ADGRL1: variants seen among roughly 807,000 people sequenced by gnomAD.
ADGRL1 encodes CIRL-1.
A neutral mutation model predicts 148.9 loss-of-function variants in ADGRL1; 31 were observed. The ratio of observed to expected loss-of-function variants is 0.21; its 90% CI spans 0.16 to 0.28. The LOEUF (loss-of-function observed/expected upper bound fraction) is 0.28. Among genes scored for constraint, ADGRL1 ranks in the 10% least tolerant of loss-of-function variants. The pLI is 1.00. For missense variants in ADGRL1, 1,521 were observed against 2,058.8 expected, an observed-to-expected ratio of 0.74 and a Z score of 5.05; for synonymous variants, 937 against 900.3, an observed-to-expected ratio of 1.04 and a Z score of -0.73.
At chr19:14,189,124 C>G (rs1205010666) in intron 1 of ADGRL1, among the ~76,000 whole-genome samples, 1 of 152,168 alleles carries the variant, frequency 6.6e-6, no homozygotes, top group African/African-American at 2.4e-5. Flanking sequence ...CCCTTGTCGC[C>G]CAGCCCTGGT....
chr19:14,153,899 G>A (rs1391915854), intron 18 of ADGRL1, among the ~76,000 whole-genome samples: 5 of 151,560 alleles, frequency 3.3e-5, no homozygotes, highest in Admixed American at 1.3e-4. Context: ...CCGAGATCGC[G>A]CCATTGCACT....
rs370731279 is a variant in ADGRL1, at chr19:14,157,150, G to A, written c.2746-5C>T. ...GGCGAAGATGGGGCAGGCAATCTGC[G>A]GGGAGCACTGAGGGTGAGGGGCTGC... On this transcript the variant is annotated splice_polypyrimidine_tract_variant and splice_region_variant and intron_variant, in intron 14 of 22. Transcript: ENST00000361434. The surrounding 1 kb of genome is among the most constrained non-coding windows in gnomAD (Gnocchi z 7.5). 1.5e-4 allele frequency: 237 copies of A among 1,613,858 alleles called. 1 individual carries two copies. In the East Asian group the frequency reaches 1.5e-3, roughly 10 times the overall value.
chr19:14,175,604 ACAGACACACT>A (rs777876475), intron 3 of ADGRL1, among the ~76,000 whole-genome samples: 12 of 150,896 alleles, frequency 8.0e-5, no homozygotes, highest in East Asian at 1.9e-4. Flanking sequence ...ACACACTCAT[ACAGACACACT>A]CAGACACACT....
At chr19:14,203,815 G>C (rs1394174581) in intron 1 of ADGRL1, among the ~76,000 whole-genome samples, 2 of 74,252 alleles carry the variant, frequency 2.7e-5, no homozygotes, top group East Asian at 3.4e-4. Context: ...GGGTGATCAC[G>C]GGGTACGCAA....
intron 22 of ADGRL1, among the ~76,000 whole-genome samples, chr19:14,151,896 GC>G (rs755233535): frequency 6.9e-4 from 105 of 152,160 alleles, no homozygotes; most frequent in Non-Finnish European, 1.3e-3. Flanking sequence ...GTGTGAGGAG[GC>G]CTGGGCAACA....
intron 4 of ADGRL1, chr19:14,167,033 A>T (rs1368756588): frequency 6.2e-7 from 1 of 1,611,612 alleles, no homozygotes; most frequent in South Asian, 1.1e-5. Context: ...CTCCACTTCT[A>T]CTTTAAGCAT....
chr19:14,162,711 T>C lies in ADGRL1; in HGVS notation c.1090A>G (p.Ile364Val). ...SLTFPNPYQFISSVDYNPRDN... is the reference protein window; with the variant it reads ...SLTFPNPYQFVSSVDYNPRDN... ...CGAGGGTTGTAGTCAACGGAGGAGATGAACTGGTAGGGGTTGGGGAAGGTG... is the reference window on the plus strand; with the variant it reads ...CGAGGGTTGTAGTCAACGGAGGAGACGAACTGGTAGGGGTTGGGGAAGGTG... The change falls in exon 5 of 23, where the codon ATC becomes GTC. Residue 364 changes from isoleucine (I) to valine (V), a missense_variant. Ile to Val is a conservative substitution (Grantham distance 29). Around this residue, in one of 8 missense-constraint regions of ADGRL1, gnomAD observed 270 missense variants for 320.4 expected, o/e 0.84. Coordinates refer to ENST00000361434, the MANE Select transcript of ADGRL1 (RefSeq NM_014921.5). The surrounding 1 kb of genome is among the most constrained non-coding windows in gnomAD (Gnocchi z 5.4). The C allele has an allele frequency of 1.2e-6, 2 of 1,614,116 alleles. No homozygotes were observed. The highest frequency in any genetic ancestry group is 1.7e-6 in the Non-Finnish European group (2 of 1,179,996).
Position 14,160,504 on chromosome 19 carries a change from T to C in ADGRL1, c.1614+89A>G. The C allele has an allele frequency of 3.8e-6, 4 of 1,047,700 alleles. No individual in the cohort carries two copies. The highest frequency in any genetic ancestry group is 5.1e-5 in the East Asian group (2 of 39,188). 64.9% of individuals were successfully genotyped at this position (1,047,700 alleles called of 1,614,324 possible). ...CCTGCCTTCCAGACCTGCCAGCCCA[T>C]GTCTCCCCAGCTGCTCCACGACCCC... On this transcript the variant is annotated intron_variant, in intron 7 of 22. Transcript: ENST00000361434. This position sits in a 1 kb window ranked among gnomAD's most constrained non-coding sequence, Gnocchi z 5.9.
Position 14,157,898 on chromosome 19 carries a change from A to G in ADGRL1, c.2519T>C (p.Met840Thr). 1 of 1,614,150 alleles carries G rather than the reference A, an allele frequency of 6.2e-7. No homozygotes were observed. Among genetic ancestry groups the G allele is most frequent in the South Asian group, 1.1e-5 (1 of 91,080 alleles). ...CSHLTNFAVLMAHREIYQGRI... is the reference protein window; with the variant it reads ...CSHLTNFAVLTAHREIYQGRI... ...CCAGCTTACGATCTCACGGTGAGCC[A>G]TGAGCACAGCGAAGTTGGTGAGGTG... The change falls in exon 13 of 23, where the codon ATG (methionine) becomes ACG (threonine). Residue 840 changes from methionine to threonine, a missense_variant. Physicochemically the swap from Met to Thr is moderately conservative, Grantham distance 81. Transcript: ENST00000361434. The surrounding 1 kb of genome is among the most constrained non-coding windows in gnomAD (Gnocchi z 7.5).
rs1491250499 is a variant in ADGRL1 at position 14,163,498 on chromosome 19, G to GAGAGAGAGA, written c.395-93_395-92insTCTCTCTCT. 6 of 948,730 alleles carry GAGAGAGAGA rather than the reference G, an allele frequency of 6.3e-6. No homozygotes were observed. The African/African-American group carries it at 8.7e-5, about 14-fold the overall frequency. The allele number at this position is 948,730 out of a possible 1,614,324, so 58.8% of individuals were successfully genotyped here. A position where few individuals can be genotyped will look rare whatever the true frequency, so the allele number is the denominator to read the frequency against. ...AGAGAGAGAGAGAGAGAGAGAGAGA[G>GAGAGAGAGA]GGGGGAGAGAGGCAAGTTGGTCACG... On this transcript the variant is annotated intron_variant, in intron 4 of 22. Coordinates refer to ENST00000361434, the MANE Select transcript of ADGRL1 (RefSeq NM_014921.5).
chr19:14,195,620 C>T lies in ADGRL1; in HGVS notation c.-96+10365G>A, dbSNP rs201205756. On this transcript the variant is annotated intron_variant, in intron 1 of 22. Coordinates refer to ENST00000361434, the MANE Select transcript of ADGRL1 (RefSeq NM_014921.5). Reference sequence around the variant, plus strand: ...CCCCAAACCCAGCCGCCCATGAGCCCGCCTCCTTCAGGAAGCCCTCAGGCA... The same window carrying T: ...CCCCAAACCCAGCCGCCCATGAGCCTGCCTCCTTCAGGAAGCCCTCAGGCA... Among the ~76,000 whole-genome samples the T allele has an allele frequency of 1.2e-4, 18 of 152,242 alleles. No individual in the cohort carries two copies. The East Asian group carries it at 2.5e-3, about 21-fold the overall frequency.
At chr19:14,175,925 G>A (rs1190044967) in intron 3 of ADGRL1, among the ~76,000 whole-genome samples, 2 of 152,124 alleles carry the variant, frequency 1.3e-5, no homozygotes, top group Admixed American at 6.6e-5. Flanking sequence ...ATGATGGTGC[G>A]TACCTGTAAT....
At chr19:14,177,265 T>C (rs147491433) in intron 3 of ADGRL1, among the ~76,000 whole-genome samples, 10 of 152,068 alleles carry the variant, frequency 6.6e-5, no homozygotes, top group Non-Finnish European at 1.2e-4. Context: ...AATCTTGGGA[T>C]GGAAGTTATG....
At chr19:14,193,450 G>A (rs1396974523) in intron 1 of ADGRL1, among the ~76,000 whole-genome samples, 3 of 151,936 alleles carry the variant, frequency 2.0e-5, no homozygotes, top group Admixed American at 6.6e-5. Flanking sequence ...AGCCGAGCAC[G>A]GTGGCACGTG....
intron 1 of ADGRL1, chr19:14,191,527 C>G (rs1379586274): frequency 2.3e-6 from 1 of 444,164 alleles, no homozygotes; most frequent in Non-Finnish European, 4.6e-6. Context: ...GACTGCGCGG[C>G]TTACACAGCA....
At chr19:14,183,484 C>A (rs371825713) in intron 2 of ADGRL1, 49 bp downstream of exon 2, 12 of 1,386,438 alleles carry the variant, frequency 8.7e-6, no homozygotes, top group Middle Eastern at 1.8e-4. Flanking sequence ...CTGCCCCCCC[C>A]AGAAGGGTTT....
In ADGRL1 at chr19:14,161,224, G is replaced by A; in HGVS notation, c.1510+88C>T. ...GCCCTCAGAAAACCTCTGCTCCGCA[G>A]TAGAGACCCCCACCCACACATGCAT... On this transcript the variant is annotated intron_variant, in intron 6 of 22. Transcript: ENST00000361434. This position sits in a 1 kb window ranked among gnomAD's most constrained non-coding sequence, Gnocchi z 4.4. The A allele has an allele frequency of 7.7e-7, 1 of 1,302,728 alleles. No individual in the cohort carries two copies. The allele number at this position is 1,302,728 out of a possible 1,614,324, so 80.7% of individuals were successfully genotyped here. A position where few individuals can be genotyped will look rare whatever the true frequency, so the allele number is the denominator to read the frequency against.
chr19:14,183,259 G>T (rs539008044), intron 2 of ADGRL1, among the ~76,000 whole-genome samples: 1 of 149,846 alleles, frequency 6.7e-6, no homozygotes. Flanking sequence ...CACCAAGAAG[G>T]CCTGTCCTGG....
At chr19:14,203,872 G>A (rs1166145638) in intron 1 of ADGRL1, among the ~76,000 whole-genome samples, 1 of 152,170 alleles carries the variant, frequency 6.6e-6, no homozygotes, top group Non-Finnish European at 1.5e-5. Flanking sequence ...GAGAGAAAGA[G>A]GGCCTGCAGG....
Sources: gnomAD v4.1 joint callset for allele counts (sites outside exome capture counted in the v4.1 genomes callset) on GRCh38, gnomAD v4.1.1 for gene constraint, gnomAD v4.1.1 regional missense constraint, Gnocchi (gnomAD v3.1) non-coding constraint, MANE v1.5 for transcripts, NCBI Gene and HGNC (gene_info 2026-07-23, HGNC 2026-07-21) for gene names.